FOXP2: variants seen among roughly 807,000 people sequenced by gnomAD.
FOXP2 encodes the protein forkhead box P2.
FOXP2 carries 12 observed loss-of-function variants against 115.8 expected under a neutral mutation model. The ratio of observed to expected loss-of-function variants is 0.10; its 90% CI spans 0.07 to 0.17. FOXP2 has a LOEUF of 0.17. FOXP2 is among the 10% of genes least tolerant of loss of function. The pLI is 1.00. For synonymous variants in FOXP2, 328 were observed against 297.7 expected (o/e 1.10, Z -1.05); for missense variants, 629 against 843.5 (o/e 0.75, Z 3.15).
chr7:114,519,183 G>A (rs1798491705), intron 2 of FOXP2, among the ~76,000 whole-genome samples: 1 of 152,138 alleles, frequency 6.6e-6, no homozygotes, highest in African/African-American at 2.4e-5. Flanking sequence ...AGAAGAGTAG[G>A]GAGGTAGCAA....
intron 1 of FOXP2, among the ~76,000 whole-genome samples, chr7:114,100,004 TC>T (rs1162852264): frequency 6.6e-6 from 1 of 152,194 alleles, no homozygotes; most frequent in Non-Finnish European, 1.5e-5. Context: ...CTATGTATAT[TC>T]CATAATATCA....
rs114592905 is a variant in FOXP2 at position 114,455,572 on chromosome 7, C to T, written c.168+28893C>T. 7.2e-3 allele frequency among the ~76,000 whole-genome samples: 1,094 copies of T among 152,290 alleles called. 15 individuals are homozygous for T. The highest frequency in any genetic ancestry group is 0.025 in the African/African-American group (1,029 of 41,546). On this transcript the variant is annotated intron_variant, in intron 2 of 16. Coordinates refer to ENST00000350908, the MANE Select transcript of FOXP2 (RefSeq NM_014491.4). ...AAAGTAACAGCATATGGATAATCTT[C>T]AGCTCTGTTACCCTCCTCTCTATAT...
intron 2 of FOXP2, among the ~76,000 whole-genome samples, chr7:114,486,453 C>T (rs1796778877): frequency 6.6e-6 from 1 of 151,984 alleles, no homozygotes; most frequent in Non-Finnish European, 1.5e-5. Context: ...GGGGACACAG[C>T]CAAACCATAT....
At chr7:114,170,521 C>G (rs1366361574) in intron 1 of FOXP2, among the ~76,000 whole-genome samples, 1 of 152,184 alleles carries the variant, frequency 6.6e-6, no homozygotes, top group Non-Finnish European at 1.5e-5. Flanking sequence ...TTATGACAAA[C>G]AGCCCAAAGT....
chr7:114,143,075 G>A (rs530905159), intron 1 of FOXP2, among the ~76,000 whole-genome samples: 13 of 151,448 alleles, frequency 8.6e-5, no homozygotes, highest in African/African-American at 2.9e-4. Flanking sequence ...CTGAGCCCAG[G>A]AGGTGAAGGC....
intron 1 of FOXP2, among the ~76,000 whole-genome samples, chr7:114,265,795 G>A (rs1447301205): frequency 6.6e-6 from 1 of 152,120 alleles, no homozygotes; most frequent in Non-Finnish European, 1.5e-5. Context: ...TGCACCCACA[G>A]GCTTAACACC....
intron 1 of FOXP2, among the ~76,000 whole-genome samples, chr7:114,150,955 A>C (rs1792512825): frequency 6.6e-6 from 1 of 152,082 alleles, no homozygotes; most frequent in African/African-American, 2.4e-5. Flanking sequence ...GTGGCTGAGA[A>C]AAGGCAGTTA....
At chr7:114,488,779 C>A (rs1411422437) in intron 2 of FOXP2, among the ~76,000 whole-genome samples, 3 of 152,144 alleles carry the variant, frequency 2.0e-5, no homozygotes, top group Non-Finnish European at 4.4e-5. Flanking sequence ...CTTAAATTAT[C>A]TAATATTTAA....
chr7:114,401,294 C>G (rs1376985519), intron 2 of FOXP2, among the ~76,000 whole-genome samples: 2 of 152,034 alleles, frequency 1.3e-5, no homozygotes, highest in African/African-American at 2.4e-5. Flanking sequence ...TATATAATTA[C>G]CCAAGAACAC....
chr7:114,223,903 A>G, intron 1 of FOXP2, among the ~76,000 whole-genome samples: 1 of 152,104 alleles, frequency 6.6e-6, no homozygotes. Context: ...CTACTTAGGA[A>G]AATATTTTTT....
chr7:114,289,137 G>T (rs569606900), intron 2 of FOXP2, among the ~76,000 whole-genome samples: 1 of 151,816 alleles, frequency 6.6e-6, no homozygotes, highest in Admixed American at 6.6e-5. Flanking sequence ...TTGGCCTATG[G>T]ATTGTTTTTT....
chr7:114,574,245 C>G (rs999550719), intron 3 of FOXP2, among the ~76,000 whole-genome samples: 1 of 151,554 alleles, frequency 6.6e-6, no homozygotes, highest in Non-Finnish European at 1.5e-5. Context: ...ATTCACTATT[C>G]TAAGAGTAAC....
intron 2 of FOXP2, among the ~76,000 whole-genome samples, chr7:114,489,825 G>T (rs1234852886): frequency 1.3e-5 from 2 of 152,086 alleles, no homozygotes; most frequent in Non-Finnish European, 2.9e-5. Flanking sequence ...TATATGAAAA[G>T]ATGCTCCACA....
At chr7:114,379,837 C>T (rs947656217) in intron 2 of FOXP2, among the ~76,000 whole-genome samples, 11 of 152,096 alleles carry the variant, frequency 7.2e-5, no homozygotes, top group African/African-American at 2.7e-4. Flanking sequence ...TGGGTGCTAT[C>T]AATGCCTAAG....
chr7:114,258,079 C>T (rs889630752), intron 1 of FOXP2, among the ~76,000 whole-genome samples: 3 of 152,146 alleles, frequency 2.0e-5, no homozygotes, highest in Non-Finnish European at 4.4e-5. Context: ...TCTGTTTTAA[C>T]ATAATCATGT....
At chr7:114,141,038 G>A (rs1792193228) in intron 1 of FOXP2, among the ~76,000 whole-genome samples, 1 of 152,158 alleles carries the variant, frequency 6.6e-6, no homozygotes, top group African/African-American at 2.4e-5. Flanking sequence ...ACTCCCATTG[G>A]ATAATTTAAT....
intron 2 of FOXP2, among the ~76,000 whole-genome samples, chr7:114,445,768 AT>A (rs1794807377): frequency 6.6e-6 from 1 of 152,108 alleles, no homozygotes; most frequent in Admixed American, 6.6e-5. Flanking sequence ...GTATAATCCT[AT>A]TCTTCTACAT....
rs963347036 is a variant in FOXP2 at position 114,536,512 on chromosome 7, A to C, written c.258+1806A>C. 7.3e-5 allele frequency among the ~76,000 whole-genome samples: 11 copies of C among 150,274 alleles called. No homozygotes were observed. In the East Asian group the frequency reaches 2.0e-3, roughly 27 times the overall value. On this transcript the variant is annotated intron_variant, in intron 3 of 16. Coordinates refer to ENST00000350908, the MANE Select transcript of FOXP2 (RefSeq NM_014491.4). ...AATACCCACAATAGAATGTGGGAAT[A>C]TTAATGGCTCTAAAATAAGAAATTG...
At chr7:114,179,629 A>C (rs1584527561) in intron 1 of FOXP2, among the ~76,000 whole-genome samples, 1 of 152,054 alleles carries the variant, frequency 6.6e-6, no homozygotes, top group Non-Finnish European at 1.5e-5. Flanking sequence ...CTTTAAATGC[A>C]ATCTTTTGGA....
Sources: gnomAD v4.1 joint callset for allele counts (sites outside exome capture counted in the v4.1 genomes callset) on GRCh38, gnomAD v4.1.1 for gene constraint, MANE v1.5 for transcripts, NCBI Gene and HGNC (gene_info 2026-07-23, HGNC 2026-07-21) for gene names.